The following RAD51B variants were observed in gnomAD, a reference collection of about 807,000 sequenced individuals.
RAD51B encodes RAD51 paralog B, also known as DNA repair protein RAD51 homolog 2.
In RAD51B, 38 loss-of-function variants were observed where a neutral mutation model predicts 42.2. That is an observed-to-expected ratio of 0.90 (90% CI 0.70 to 1.18). RAD51B has a LOEUF of 1.18. RAD51B is among the 50% of genes most tolerant of loss of function. The pLI, the probability that RAD51B is intolerant of heterozygous loss-of-function variation, is 0.00. For synonymous variants in RAD51B, 154 were observed against 145.2 expected, an observed-to-expected ratio of 1.06 and a Z score of -0.43; for missense variants, 373 against 400.7, an observed-to-expected ratio of 0.93 and a Z score of 0.59.
intron 10 of RAD51B, among the ~76,000 whole-genome samples, chr14:68,537,937 T>C (rs1887735534): frequency 1.3e-5 from 2 of 152,218 alleles, no homozygotes; most frequent in Admixed American, 1.3e-4. Context: ...CCCAAGGTCA[T>C]GTAGCTAAGT....
chr14:68,495,050 G>A (rs755307773), intron 10 of RAD51B, among the ~76,000 whole-genome samples: 9 of 152,158 alleles, frequency 5.9e-5, no homozygotes, highest in Non-Finnish European at 2.9e-5. Flanking sequence ...CAAGGTGAAC[G>A]GCCAGAGTCG....
chr14:68,234,076 A>G (rs950945469), intron 7 of RAD51B, among the ~76,000 whole-genome samples: 4 of 152,226 alleles, frequency 2.6e-5, no homozygotes, highest in African/African-American at 9.6e-5. Context: ...TGGAAGTGGT[A>G]GCAGTAAGAG....
At chr14:68,425,975 T>TCTTC (rs1298543738) in intron 9 of RAD51B, among the ~76,000 whole-genome samples, 1,799 of 85,898 alleles carry the variant, frequency 0.021, 54 homozygotes, top group Non-Finnish European at 0.029. Flanking sequence ...TTTCTTTCTT[T>TCTTC]CTTCCTTCCT....
chr14:67,866,571 A>G lies in RAD51B; in HGVS notation c.452+1432A>G, dbSNP rs887453444. The stretch of plus-strand genomic sequence containing the variant: ...TGGATTTCTGCTTTCTTTGCACCAC[A>G]TACAAAACAGAGTTTAGGATGTCTT... On this transcript the variant is annotated intron_variant, in intron 5 of 10. Transcript: ENST00000471583. Among the ~76,000 whole-genome samples, 122 of 152,374 alleles carry G rather than the reference A, an allele frequency of 8.0e-4. 1 individual carries two copies. The highest frequency in any genetic ancestry group is 2.9e-3 in the African/African-American group (121 of 41,594).
intron 7 of RAD51B, among the ~76,000 whole-genome samples, chr14:68,040,303 AC>A (rs1396705809): frequency 1.3e-5 from 2 of 152,124 alleles, no homozygotes; most frequent in Non-Finnish European, 2.9e-5. Context: ...TGTTTCCCAA[AC>A]TTTAGTCAAC....
chr14:68,262,290 A>G (rs1388703672), intron 7 of RAD51B, among the ~76,000 whole-genome samples: 1 of 152,170 alleles, frequency 6.6e-6, no homozygotes, highest in African/African-American at 2.4e-5. Context: ...GGGCAGTATC[A>G]TTAAATGGCT....
intron 10 of RAD51B, among the ~76,000 whole-genome samples, chr14:68,630,913 A>G (rs796306817): frequency 1.4e-4 from 22 of 152,320 alleles, no homozygotes; most frequent in African/African-American, 5.3e-4. Flanking sequence ...GTGTTTGTGC[A>G]AGTATTTGAA....
At chr14:68,614,634 T>C (rs1466639089), downstream of RAD51B, among the ~76,000 whole-genome samples, 1 of 152,240 alleles carries the variant, frequency 6.6e-6, no homozygotes, top group Non-Finnish European at 1.5e-5. Context: ...TGTGTTTGGC[T>C]TCTTTCAGTG....
intron 7 of RAD51B, among the ~76,000 whole-genome samples, chr14:68,044,078 C>T (rs1348459148): frequency 6.6e-6 from 1 of 152,212 alleles, no homozygotes; most frequent in African/African-American, 2.4e-5. Context: ...TGTCTACTGT[C>T]AGCTTCCTAT....
intron 10 of RAD51B, among the ~76,000 whole-genome samples, chr14:68,592,676 A>G (rs1023847836): frequency 6.6e-6 from 1 of 152,236 alleles, no homozygotes; most frequent in African/African-American, 2.4e-5. Context: ...CTCACTGTTC[A>G]CTGGCCACAT....
chr14:68,111,084 A>T (rs764879742), intron 7 of RAD51B, among the ~76,000 whole-genome samples: 6 of 152,074 alleles, frequency 3.9e-5, no homozygotes, highest in South Asian at 2.1e-4. Flanking sequence ...ACATGAAAGG[A>T]TCTGTCTAGG....
chr14:68,223,708 A>C (rs2079976032), intron 7 of RAD51B, among the ~76,000 whole-genome samples: 1 of 150,408 alleles, frequency 6.6e-6, no homozygotes, highest in African/African-American at 2.5e-5. Context: ...AGAAAAGAAA[A>C]TCCTACCTTA....
chr14:68,562,088 A>G (rs1027301346), intron 10 of RAD51B: 35 of 985,328 alleles, frequency 3.6e-5, no homozygotes, highest in Non-Finnish European at 3.7e-5. Context: ...TAACTGTCCT[A>G]GAAAGCTTTT....
rs549580015 is a variant in RAD51B, at chr14:68,477,525, C to A, written c.1037-123C>A. ...TTTGCAAGGCCAGTGGCTCTGTGGGCAATACGTATGAAAGAGGACTGCTGT... is the reference window on the plus strand; with the variant it reads ...TTTGCAAGGCCAGTGGCTCTGTGGGAAATACGTATGAAAGAGGACTGCTGT... On this transcript the variant is annotated intron_variant, in intron 10 of 10. Transcript: ENST00000471583. The A allele has an allele frequency of 1.9e-4, 225 of 1,184,044 alleles. No individual in the cohort carries two copies. The African/African-American group carries it at 3.1e-3, about 16-fold the overall frequency. 73.3% of individuals were successfully genotyped at this position (1,184,044 alleles called of 1,614,324 possible). A position where few individuals can be genotyped will look rare whatever the true frequency, so the allele number is the denominator to read the frequency against.
intron 11 of RAD51B, among the ~76,000 whole-genome samples, chr14:68,675,559 T>C (rs1341776758): frequency 6.6e-6 from 1 of 152,160 alleles, no homozygotes; most frequent in East Asian, 1.9e-4. Flanking sequence ...GGAGAAGAAA[T>C]ACAGCTAATA....
chr14:68,051,577 A>C (rs1191988323), intron 7 of RAD51B, among the ~76,000 whole-genome samples: 1 of 152,048 alleles, frequency 6.6e-6, no homozygotes, highest in African/African-American at 2.4e-5. Context: ...CACTTTGCTA[A>C]TAATAGAGTT....
chr14:68,468,238 C>T lies in RAD51B; in HGVS notation c.1024C>T (p.Leu342=). Residue 342 remains leucine (L), a synonymous_variant, in exon 10 of 11, where the codon CTG becomes TTG. Coordinates refer to ENST00000471583, the MANE Select transcript of RAD51B (RefSeq NM_133510.4). ...SFVYTIKEEG[L]VLQGQEKP ...TGTCTACACCATCAAGGAGGAAGGCCTGGTTCTTCAAGGTAAGATCCTTGG... is the reference window on the plus strand; with the variant it reads ...TGTCTACACCATCAAGGAGGAAGGCTTGGTTCTTCAAGGTAAGATCCTTGG... The T allele has an allele frequency of 1.9e-6, 3 of 1,613,530 alleles. No homozygotes were observed. The highest frequency in any genetic ancestry group is 2.5e-6 in the Non-Finnish European group (3 of 1,179,480).
At chr14:68,450,591 G>A (rs756268150) in intron 9 of RAD51B, among the ~76,000 whole-genome samples, 11 of 152,014 alleles carry the variant, frequency 7.2e-5, no homozygotes, top group African/African-American at 2.4e-4. Context: ...GGGGAGAGAC[G>A]GAGCTTAGAT....
At chr14:68,429,965 TG>T (rs1422182900) in intron 9 of RAD51B, among the ~76,000 whole-genome samples, 2 of 152,234 alleles carry the variant, frequency 1.3e-5, no homozygotes, top group Non-Finnish European at 2.9e-5. Flanking sequence ...TTTCTACATA[TG>T]GCCAGCCAGT....
Sources: allele counts gnomAD v4.1 joint callset (sites outside exome capture counted in the v4.1 genomes callset), GRCh38; gene constraint gnomAD v4.1.1; transcripts MANE v1.5; gene names NCBI Gene and HGNC (gene_info 2026-07-23, HGNC 2026-07-21).